The following MYCT1 variants were observed in gnomAD, a reference collection of about 807,000 sequenced individuals.
MYCT1 encodes the protein MYC target 1, also known as myc target protein 1.
A neutral mutation model predicts 15.0 loss-of-function variants in MYCT1; 12 were observed. That is an observed-to-expected ratio of 0.80 (90% CI 0.51 to 1.29). The LOEUF (loss-of-function observed/expected upper bound fraction) is 1.29, where lower values mean the gene tolerates loss of function less well. Among genes scored for constraint, MYCT1 ranks in the 50% most tolerant of loss-of-function variants. The pLI is 0.00. For synonymous variants in MYCT1, 104 were observed against 102.7 expected (o/e 1.01, Z -0.07); for missense variants, 287 against 279.1 (o/e 1.03, Z -0.20).
intron 1 of MYCT1, among the ~76,000 whole-genome samples, chr6:152,718,151 C>T (rs1017531645): frequency 6.6e-6 from 1 of 152,020 alleles, no homozygotes; most frequent in Non-Finnish European, 1.5e-5. Context: ...TCAAATTCCT[C>T]TCATGGAAAT....
In MYCT1 at chr6:152,722,331, T is replaced by A; in HGVS notation, c.*78T>A. On this transcript the variant is annotated 3_prime_UTR_variant, in exon 2 of 2. Transcript: ENST00000367245. ...GAAATCAAAAATAGGCTAAACAGAA[T>A]TTTGAGGGCATGGCCCAAATAACTC... 6.9e-7 allele frequency: 1 copy of A among 1,443,504 alleles called. No homozygotes were observed. The highest frequency in any genetic ancestry group is 9.3e-7 in the Non-Finnish European group (1 of 1,080,754). The allele number at this position is 1,443,504 out of a possible 1,614,324, so 89.4% of individuals were successfully genotyped here.
At chr6:152,738,285 G>A in the MYCT1 span, among the ~76,000 whole-genome samples, 7 of 152,122 alleles carry the variant, frequency 4.6e-5, no homozygotes, top group South Asian at 1.5e-3. Flanking sequence ...ATCTATTATA[G>A]ACATATGTTT....
intron 1 of MYCT1, among the ~76,000 whole-genome samples, chr6:152,714,555 A>G (rs921280645): frequency 1.3e-5 from 2 of 151,312 alleles, no homozygotes; most frequent in East Asian, 3.9e-4. Context: ...CAGTTAAAAT[A>G]TTTTATAATT....
intron 1 of MYCT1, among the ~76,000 whole-genome samples, chr6:152,718,484 G>A (rs891185847): frequency 4.6e-5 from 7 of 151,990 alleles, no homozygotes; most frequent in Admixed American, 6.6e-5. Context: ...GGGCTCAAGC[G>A]ACCCTCTCAC....
the MYCT1 span, among the ~76,000 whole-genome samples, chr6:152,745,350 C>T: frequency 1.3e-5 from 2 of 152,014 alleles, no homozygotes; most frequent in Non-Finnish European, 2.9e-5. Flanking sequence ...GTAATCTTGG[C>T]GGCATGGGAG....
intron 1 of MYCT1, among the ~76,000 whole-genome samples, chr6:152,703,902 G>A (rs537760898): frequency 6.6e-6 from 1 of 150,838 alleles, no homozygotes; most frequent in East Asian, 1.9e-4. Context: ...TTGATATCCA[G>A]CTTTTTCTGC....
the MYCT1 span, among the ~76,000 whole-genome samples, chr6:152,732,859 T>C: frequency 3.3e-5 from 5 of 152,126 alleles, no homozygotes; most frequent in Admixed American, 2.6e-4. Flanking sequence ...TGTCAGAACA[T>C]GGAAGATGCA....
At chr6:152,733,234 G>A in the MYCT1 span, among the ~76,000 whole-genome samples, 1 of 151,940 alleles carries the variant, frequency 6.6e-6, no homozygotes, top group African/African-American at 2.4e-5. Context: ...CTCCAGAGAG[G>A]CTGGGATGAC....
At chr6:152,706,367 T>A (rs1400795747) in intron 1 of MYCT1, among the ~76,000 whole-genome samples, 7 of 152,176 alleles carry the variant, frequency 4.6e-5, no homozygotes, top group African/African-American at 1.7e-4. Context: ...AAAAAGACAT[T>A]TGTATATTCC....
chr6:152,727,319 ATATTTGTCCAGGGCCTC>A (rs2129071534), downstream of MYCT1, among the ~76,000 whole-genome samples: 1 of 152,304 alleles, frequency 6.6e-6, no homozygotes, highest in African/African-American at 2.4e-5. Context: ...CCTGCAAAAA[ATATTTGTCCAGGGCCTC>A]ACACACTGTA....
chr6:152,704,554 G>A (rs1422789743), intron 1 of MYCT1, among the ~76,000 whole-genome samples: 1 of 152,084 alleles, frequency 6.6e-6, no homozygotes, highest in Non-Finnish European at 1.5e-5. Flanking sequence ...TCAAATCAGG[G>A]TAATCAGCAC....
At chr6:152,740,951 C>T in the MYCT1 span, among the ~76,000 whole-genome samples, 2 of 152,102 alleles carry the variant, frequency 1.3e-5, no homozygotes, top group African/African-American at 4.8e-5. Context: ...TTCAGGAAAA[C>T]CCCAGCCACT....
intron 1 of MYCT1, among the ~76,000 whole-genome samples, chr6:152,714,337 A>T (rs1220867147): frequency 7.7e-6 from 1 of 130,392 alleles, no homozygotes; most frequent in Non-Finnish European, 1.6e-5. Context: ...TGTTTCATTA[A>T]GTTCTGCTTT....
chr6:152,742,591 G>A, the MYCT1 span, among the ~76,000 whole-genome samples: 3 of 152,134 alleles, frequency 2.0e-5, no homozygotes, highest in Non-Finnish European at 2.9e-5. Context: ...CAGCATTATG[G>A]AAAAGAGCTT....
the MYCT1 span, among the ~76,000 whole-genome samples, chr6:152,745,587 G>A: frequency 6.6e-6 from 1 of 152,132 alleles, no homozygotes; most frequent in Non-Finnish European, 1.5e-5. Flanking sequence ...AAGAGGATTT[G>A]TCTCCTCTTT....
downstream of MYCT1, among the ~76,000 whole-genome samples, chr6:152,727,989 C>T (rs1180145682): frequency 2.0e-5 from 3 of 151,954 alleles, no homozygotes; most frequent in Non-Finnish European, 4.4e-5. Flanking sequence ...CATGATGAAA[C>T]GCCGTCTCTA....
chr6:152,705,754 C>G (rs1348030371), intron 1 of MYCT1: 1 of 467,084 alleles, frequency 2.1e-6, no homozygotes, highest in East Asian at 3.4e-5. Context: ...TGTATTCCAG[C>G]CTTGGACTCA....
intron 1 of MYCT1, chr6:152,705,784 A>G (rs1332620262): frequency 1.9e-5 from 11 of 576,282 alleles, no homozygotes; most frequent in Non-Finnish European, 3.1e-5. Context: ...GCTGACTGAG[A>G]TAAAAAAACT....
chr6:152,706,988 C>T (rs147437899), intron 1 of MYCT1, among the ~76,000 whole-genome samples: 216 of 152,046 alleles, frequency 1.4e-3, no homozygotes, highest in African/African-American at 5.0e-3. Context: ...GCAGATATCT[C>T]TTAGAGATTC....
Sources: gnomAD v4.1 joint callset for allele counts (sites outside exome capture counted in the v4.1 genomes callset) on GRCh38, gnomAD v4.1.1 for gene constraint, MANE v1.5 for transcripts, NCBI Gene and HGNC (gene_info 2026-07-23, HGNC 2026-07-21) for gene names.